DPYSL3: variants seen among roughly 807,000 people sequenced by gnomAD.
The protein encoded by DPYSL3 is dihydropyrimidinase-related protein 3.
A neutral mutation model predicts 66.1 loss-of-function variants in DPYSL3; 16 were observed. The ratio of observed to expected loss-of-function variants is 0.24; its 90% CI spans 0.16 to 0.37. The LOEUF (loss-of-function observed/expected upper bound fraction) is 0.37. Among genes scored for constraint, DPYSL3 ranks in the 10% least tolerant of loss-of-function variants. DPYSL3 has a pLI of 1.00. For synonymous variants in DPYSL3, 338 were observed against 345.1 expected, an observed-to-expected ratio of 0.98 and a Z score of 0.23; for missense variants, 738 against 916.2, an observed-to-expected ratio of 0.81 and a Z score of 2.51.
chr5:147,456,781 G>C (rs1248623219), intron 1 of DPYSL3, among the ~76,000 whole-genome samples: 1 of 151,638 alleles, frequency 6.6e-6, no homozygotes, highest in African/African-American at 2.4e-5. Context: ...AGTAGAGAGG[G>C]GGTTTCACCA....
intron 1 of DPYSL3, among the ~76,000 whole-genome samples, chr5:147,502,120 C>T (rs1237716944): frequency 2.6e-5 from 4 of 152,030 alleles, no homozygotes; most frequent in African/African-American, 7.2e-5. Context: ...CTGACTCAGA[C>T]GCTGCCTTCT....
chr5:147,424,952 G>C lies in DPYSL3; in HGVS notation c.393C>G (p.Leu131=). The C allele has an allele frequency of 6.2e-7, 1 of 1,612,768 alleles. No homozygotes were observed. The highest frequency in any genetic ancestry group is 8.5e-7 in the Non-Finnish European group (1 of 1,179,268). ...TGACGATTCTGCCTCCCTTGATAAG[G>C]AGACGGTCACTCTAGAAAAGAAGGA... is the stretch of plus-strand genomic sequence containing the variant. ...NLGPKDKSDR[L]LIKGGRIVND... is the part of the protein sequence containing the mutation. Residue 131 remains leucine (L), a synonymous_variant, in exon 2 of 14, where the codon CTC becomes CTG. Transcript: ENST00000343218.
chr5:147,424,572 A>G (rs1752157720), intron 2 of DPYSL3, among the ~76,000 whole-genome samples: 1 of 152,182 alleles, frequency 6.6e-6, no homozygotes, highest in African/African-American at 2.4e-5. Context: ...TTGTACTTCT[A>G]AATCACTTAT....
chr5:147,434,339 C>T (rs931299404), intron 1 of DPYSL3, among the ~76,000 whole-genome samples: 4 of 152,136 alleles, frequency 2.6e-5, no homozygotes, highest in African/African-American at 9.7e-5. Context: ...GTTTGTTTTG[C>T]TTTGCATTGT....
chr5:147,503,355 C>G (rs1488799428), intron 1 of DPYSL3, among the ~76,000 whole-genome samples: 2 of 152,164 alleles, frequency 1.3e-5, no homozygotes, highest in East Asian at 3.8e-4. Flanking sequence ...GTCGCCTCTT[C>G]CAGTCATGGC....
chr5:147,397,941 T>C, intron 11 of DPYSL3, 96 bp from the exon 12 acceptor site: 2 of 1,293,568 alleles, frequency 1.5e-6, no homozygotes, highest in Non-Finnish European at 2.1e-6. Context: ...TGCTGCTGAT[T>C]CACCAGGTAA....
At chr5:147,500,333 G>T (rs1753583612) in intron 1 of DPYSL3, among the ~76,000 whole-genome samples, 1 of 152,096 alleles carries the variant, frequency 6.6e-6, no homozygotes, top group South Asian at 2.1e-4. Context: ...AATGATAACG[G>T]CCAGGTGCGG....
rs192909365 is a variant in DPYSL3, at chr5:147,397,461, A to G, written c.1803+205T>C. On this transcript the variant is annotated intron_variant, in intron 12 of 13. Coordinates refer to ENST00000343218, the MANE Select transcript of DPYSL3 (RefSeq NM_001197294.2). ...AAAAATGTGGGAAAAGTCATTTGGG[A>G]AAAAAAGCTCTCTTTGAACAAAAAT... Among the ~76,000 whole-genome samples the G allele has an allele frequency of 5.9e-3, 891 of 152,268 alleles. 9 individuals are homozygous for G. Among genetic ancestry groups the G allele is most frequent in the African/African-American group, 0.02 (825 of 41,534 alleles).
At chr5:147,505,934 T>C (rs1007128557) in intron 1 of DPYSL3, among the ~76,000 whole-genome samples, 1 of 152,162 alleles carries the variant, frequency 6.6e-6, no homozygotes, top group African/African-American at 2.4e-5. Flanking sequence ...GAACACAGAC[T>C]CTGGAATCAG....
chr5:147,493,606 T>C (rs1002900660), intron 1 of DPYSL3, among the ~76,000 whole-genome samples: 1 of 149,640 alleles, frequency 6.7e-6, no homozygotes, highest in Non-Finnish European at 1.5e-5. Flanking sequence ...AAGAAAGAAA[T>C]AAAGAAAGAA....
intron 1 of DPYSL3, among the ~76,000 whole-genome samples, chr5:147,427,073 A>G (rs1275930362): frequency 1.3e-5 from 2 of 152,124 alleles, no homozygotes; most frequent in African/African-American, 4.8e-5. Flanking sequence ...TCACATTATC[A>G]GGCTCTCTGT....
intron 1 of DPYSL3, among the ~76,000 whole-genome samples, chr5:147,444,008 C>T (rs1204107740): frequency 2.0e-5 from 3 of 152,068 alleles, no homozygotes; most frequent in African/African-American, 7.2e-5. Flanking sequence ...TCCCCCATAA[C>T]CTACACCACT....
At chr5:147,420,555 G>A (rs573951795) in intron 2 of DPYSL3, among the ~76,000 whole-genome samples, 2 of 152,154 alleles carry the variant, frequency 1.3e-5, no homozygotes, top group East Asian at 3.9e-4. Flanking sequence ...GACATAGCAT[G>A]AGTCCAATAT....
intron 1 of DPYSL3, among the ~76,000 whole-genome samples, chr5:147,466,544 CT>C (rs1753012479): frequency 1.3e-5 from 2 of 152,182 alleles, no homozygotes; most frequent in African/African-American, 2.4e-5. Flanking sequence ...GCTGCTGAAT[CT>C]TCAGTTAAGT....
At chr5:147,394,947 T>G (rs1199151618) in intron 13 of DPYSL3, among the ~76,000 whole-genome samples, 1 of 152,326 alleles carries the variant, frequency 6.6e-6, no homozygotes, top group Non-Finnish European at 1.5e-5. Context: ...GAATCTACAT[T>G]TATTTTTCTC....
chr5:147,494,841 T>C (rs1311433041), intron 1 of DPYSL3, among the ~76,000 whole-genome samples: 1 of 150,636 alleles, frequency 6.6e-6, no homozygotes, highest in Non-Finnish European at 1.5e-5. Context: ...ATCGCGCCAC[T>C]GCACTCCAGC....
rs1000391210 is a variant in DPYSL3 at position 147,392,520 on chromosome 5, T to C, written c.*1515A>G. On this transcript the variant is annotated 3_prime_UTR_variant, in exon 14 of 14. Coordinates refer to ENST00000343218, the MANE Select transcript of DPYSL3 (RefSeq NM_001197294.2). Reference sequence around the variant, plus strand: ...GCTACCACTTGGATTCCCCAGAGCATGGAAGTCTGATCCCAGGTTGAACAT... The same window carrying C: ...GCTACCACTTGGATTCCCCAGAGCACGGAAGTCTGATCCCAGGTTGAACAT... 1 of 152,212 alleles carries C rather than the reference T, an allele frequency of 6.6e-6. No individual in the cohort carries two copies. Among genetic ancestry groups the C allele is most frequent in the Non-Finnish European group, 1.5e-5 (1 of 68,036 alleles). The allele number at this position is 152,212 out of a possible 1,614,324, so 9.4% of individuals were successfully genotyped here. A position where few individuals can be genotyped will look rare whatever the true frequency, so the allele number is the denominator to read the frequency against.
At chr5:147,395,861 G>A in intron 12 of DPYSL3, 140 bp from the exon 13 acceptor site, 1 of 1,059,396 alleles carries the variant, frequency 9.4e-7, no homozygotes, top group Non-Finnish European at 1.3e-6. Context: ...GAGGAAGGGA[G>A]AAGTAGTATA....
At position 147,509,441 on chromosome 5, in the gene DPYSL3, C is replaced by A. The variant is rs1468135116; in HGVS notation, c.381+37G>T. The A allele has an allele frequency of 2.7e-6, 4 of 1,467,298 alleles. No homozygotes were observed. The highest frequency in any genetic ancestry group is 2.8e-5 in the African/African-American group (2 of 71,066). 90.9% of individuals were successfully genotyped at this position (1,467,298 alleles called of 1,614,324 possible). On this transcript the variant is annotated intron_variant, in intron 1 of 13. Coordinates refer to ENST00000343218, the MANE Select transcript of DPYSL3 (RefSeq NM_001197294.2). This position sits in a 1 kb window ranked among gnomAD's most constrained non-coding sequence, Gnocchi z 5.3. ...TGGCGGCCAGGGCTGGAGAAAGGAA[C>A]GAAGGCAAGGAGGGAAGTGACCCGG...
Sources: allele counts gnomAD v4.1 joint callset (sites outside exome capture counted in the v4.1 genomes callset), GRCh38; gene constraint gnomAD v4.1.1; non-coding constraint Gnocchi (gnomAD v3.1); transcripts MANE v1.5; gene names NCBI Gene and HGNC (gene_info 2026-07-23, HGNC 2026-07-21).